CTNNB1: variants seen among roughly 807,000 people sequenced by gnomAD.
CTNNB1 encodes catenin beta 1.
CTNNB1 carries 6 observed loss-of-function variants against 82.5 expected under a neutral mutation model. The observed-to-expected ratio is 0.07, with a 90% CI of 0.04 to 0.14. CTNNB1 has a LOEUF of 0.14. Ranked by LOEUF, CTNNB1 falls within the 10% of genes least tolerant of loss-of-function variation. CTNNB1 has a pLI of 1.00. For missense variants in CTNNB1, 529 were observed against 980.4 expected (o/e 0.54, Z 6.15); for synonymous variants, 312 against 329.7 (o/e 0.95, Z 0.58).
At chr3:41,215,482 T>C (rs777402657) in intron 1 of CTNNB1, among the ~76,000 whole-genome samples, 6 of 152,090 alleles carry the variant, frequency 3.9e-5, no homozygotes, top group Non-Finnish European at 5.9e-5. Flanking sequence ...TGTTCACATT[T>C]TGAGCATTTT....
chr3:41,227,479 A>T (rs574767804), intron 7 of CTNNB1, 127 bp downstream of exon 7: 1 of 954,766 alleles, frequency 1.0e-6, no homozygotes, highest in Admixed American at 2.0e-5. Flanking sequence ...GTTTGCAGCC[A>T]AGATTTACAT....
At chr3:41,226,509 CA>C in intron 6 of CTNNB1, among the ~76,000 whole-genome samples, 1 of 152,200 alleles carries the variant, frequency 6.6e-6, no homozygotes, top group East Asian at 1.9e-4. Context: ...GGTGAGAAAA[CA>C]ACATCTTTGA....
chr3:41,221,382 C>G (rs1046519317), intron 1 of CTNNB1: 1 of 149,386 alleles, frequency 6.7e-6, no homozygotes, highest in African/African-American at 2.5e-5. Context: ...GGGTCTTGCT[C>G]TGTTGCCCAG....
Position 41,214,029 on chromosome 3 carries a change from A to C in CTNNB1, c.-48-9992A>C, listed in dbSNP as rs550352608. Among the ~76,000 whole-genome samples, 13 of 152,352 alleles carry C rather than the reference A, an allele frequency of 8.5e-5. No homozygotes were observed. In the South Asian group the frequency reaches 2.7e-3, roughly 32 times the overall value. ...GGGGACAGAAGGTTTCAAAAGTTTAAGAATCTGTGTTGTCTTAACAAATAG... is the reference window on the plus strand; with the variant it reads ...GGGGACAGAAGGTTTCAAAAGTTTACGAATCTGTGTTGTCTTAACAAATAG... On this transcript the variant is annotated intron_variant, in intron 1 of 14. Transcript: ENST00000349496.
intron 1 of CTNNB1, among the ~76,000 whole-genome samples, chr3:41,209,511 T>A (rs1296024832): frequency 1.3e-5 from 2 of 152,252 alleles, no homozygotes; most frequent in East Asian, 3.8e-4. Flanking sequence ...CAAAAAATTG[T>A]CTGTTCTCCC....
intron 14 of CTNNB1, among the ~76,000 whole-genome samples, 183 bp from the exon 15 acceptor site, chr3:41,238,951 G>A (rs1176434305): frequency 6.6e-6 from 1 of 151,136 alleles, no homozygotes; most frequent in African/African-American, 2.4e-5. Context: ...GGGTGGCCTG[G>A]CACTGAGTAA....
intron 1 of CTNNB1, among the ~76,000 whole-genome samples, chr3:41,203,871 G>T (rs1441780113): frequency 2.0e-5 from 3 of 152,106 alleles, no homozygotes; most frequent in Non-Finnish European, 4.4e-5. Flanking sequence ...TTCTAAATTA[G>T]TTTTTGGAAG....
rs2125650652 is a variant in CTNNB1, at chr3:41,238,079, A to G, written c.2137+3A>G. On this transcript the variant is annotated splice_donor_region_variant and intron_variant, in intron 14 of 14. Transcript: ENST00000349496. ...ACCCCTTGGATATCGCCAGGATGGT[A>G]TGTGTCTCATATTTCTCGATTAACT... The G allele has an allele frequency of 6.2e-7, 1 of 1,612,446 alleles. No homozygotes were observed. Among genetic ancestry groups the G allele is most frequent in the Non-Finnish European group, 8.5e-7 (1 of 1,178,470 alleles).
chr3:41,237,832 A>AG (rs2078475299), intron 13 of CTNNB1, 184 bp from the exon 14 acceptor site: 1 of 600,898 alleles, frequency 1.7e-6, no homozygotes, highest in African/African-American at 1.9e-5. Context: ...AGGTGCAAAG[A>AG]GAAAAAAAAA....
intron 1 of CTNNB1, among the ~76,000 whole-genome samples, chr3:41,223,161 C>G (rs2078091537): frequency 6.6e-6 from 1 of 151,964 alleles, no homozygotes; most frequent in Non-Finnish European, 1.5e-5. Flanking sequence ...TCAAGATGAA[C>G]TTGTTTGGGA....
chr3:41,221,339 C>CT (rs35012062), intron 1 of CTNNB1: 57,783 of 145,296 alleles, frequency 0.4, 11,392 homozygotes, highest in Non-Finnish European at 0.45. Flanking sequence ...TTTATGTATC[C>CT]TTTTTTTTTT....
chr3:41,222,959 T>C (rs2078084342), intron 1 of CTNNB1, among the ~76,000 whole-genome samples: 1 of 152,188 alleles, frequency 6.6e-6, no homozygotes, highest in African/African-American at 2.4e-5. Context: ...AGGCCAGGTG[T>C]TGGCTCACAT....
At chr3:41,230,648 G>GGAGGGGAATTGTCTAGATGA (rs2125633499) in intron 7 of CTNNB1, among the ~76,000 whole-genome samples, 1 of 152,306 alleles carries the variant, frequency 6.6e-6, no homozygotes, top group South Asian at 2.1e-4. Flanking sequence ...GAATTAATGG[G>GGAGGGGAATTGTCTAGATGA]GAGGGGAATT....
At chr3:41,238,097 G>T in intron 14 of CTNNB1, 21 bp downstream of exon 14, 1 of 1,604,134 alleles carries the variant, frequency 6.2e-7, no homozygotes, top group Non-Finnish European at 8.5e-7. Context: ...CATATTTCTC[G>T]ATTAACTCCA....
In CTNNB1 at chr3:41,234,911, A is replaced by G. The variant is rs1036695994; in HGVS notation, c.1683+614A>G. ...AGGTTAGTTTAGAAAACAAAGATGG[A>G]GCCTACCAGAACAGATGTTAGGAAT... On this transcript the variant is annotated intron_variant, in intron 10 of 14. Transcript: ENST00000349496. 5 of 159,726 alleles carry G rather than the reference A, an allele frequency of 3.1e-5. No homozygotes were observed. In the South Asian group the frequency reaches 7.1e-4, roughly 23 times the overall value. 9.9% of individuals were successfully genotyped at this position (159,726 alleles called of 1,614,324 possible).
intron 6 of CTNNB1, among the ~76,000 whole-genome samples, chr3:41,226,126 A>G (rs1319657573): frequency 6.6e-6 from 1 of 152,170 alleles, no homozygotes; most frequent in Admixed American, 6.6e-5. Flanking sequence ...TGAGACTCTC[A>G]TGGTGCAGTT....
At chr3:41,236,899 C>T (rs552767790) in intron 13 of CTNNB1, 190 bp downstream of exon 13, 2 of 661,824 alleles carry the variant, frequency 3.0e-6, no homozygotes, top group Non-Finnish European at 5.2e-6. Context: ...AGAGTCTGTT[C>T]AGAATCATTA....
chr3:41,233,483 A>C (rs1328437075), intron 8 of CTNNB1, 39 bp downstream of exon 8: 1 of 1,613,368 alleles, frequency 6.2e-7, no homozygotes, highest in Non-Finnish European at 8.5e-7. Flanking sequence ...GAATAGAGTC[A>C]AGATGAGTAT....
At chr3:41,239,023 T>C (rs946215667) in intron 14 of CTNNB1, 111 bp from the exon 15 acceptor site, 1 of 917,076 alleles carries the variant, frequency 1.1e-6, no homozygotes, top group Non-Finnish European at 1.8e-6. Context: ...CTGACAAGTT[T>C]GCTGCTGAAC....
Sources: gnomAD v4.1 joint callset for allele counts (sites outside exome capture counted in the v4.1 genomes callset) on GRCh38, gnomAD v4.1.1 for gene constraint, MANE v1.5 for transcripts, NCBI Gene and HGNC (gene_info 2026-07-23, HGNC 2026-07-21) for gene names.